The following PTGFRN variants were observed in gnomAD, a reference collection of about 807,000 sequenced individuals.
The protein encoded by PTGFRN is prostaglandin F2 receptor inhibitor.
Under a neutral mutation model 83.2 loss-of-function variants are expected in PTGFRN, and 35 were observed. The ratio of observed to expected loss-of-function variants is 0.42; its 90% CI spans 0.32 to 0.56. The LOEUF is 0.56. PTGFRN is among the 20% of genes least tolerant of loss of function. The pLI is 0.11. For missense variants in PTGFRN, 1,051 were observed against 1,179.5 expected, an observed-to-expected ratio of 0.89 and a Z score of 1.60; for synonymous variants, 519 against 498.6, an observed-to-expected ratio of 1.04 and a Z score of -0.55.
chr1:116,949,482 G>T lies in PTGFRN; in HGVS notation c.1123G>T (p.Val375Leu), dbSNP rs916469855. 1 of 1,614,086 alleles carries T rather than the reference G, an allele frequency of 6.2e-7. No homozygotes were observed. Among genetic ancestry groups the T allele is most frequent in the African/African-American group, 1.3e-5 (1 of 74,920 alleles). ...KENSGYYYCH[V>L]SLWAPGHNRS... is the part of the protein sequence containing the mutation. ...AAACTCTGGCTACTATTACTGCCAC[G>T]TGTCCCTGTGGGCACCCGGACACAA... The change falls in exon 4 of 9, where the codon GTG (valine) becomes TTG (leucine). Residue 375 changes from valine to leucine, a missense_variant. Physicochemically the swap from Val to Leu is conservative, Grantham distance 32 (BLOSUM62 1). Transcript: ENST00000393203.
Position 116,974,226 on chromosome 1 carries a change from T to C in PTGFRN, c.2070T>C (p.Phe690=). 3 of 1,605,906 alleles carry C rather than the reference T, an allele frequency of 1.9e-6. No individual in the cohort carries two copies. The highest frequency in any genetic ancestry group is 2.6e-6 in the Non-Finnish European group (3 of 1,173,014). The change falls in exon 7 of 9, where the codon TTT becomes TTC. Residue 690 remains phenylalanine, a synonymous_variant. Coordinates refer to ENST00000393203, the MANE Select transcript of PTGFRN (RefSeq NM_020440.4). The stretch of plus-strand genomic sequence containing the variant: ...TTACTTTTTTTCCAGGTCCTATATT[T>C]AATGCTTCTGTGCATTCAGACACAC... ...EIDFQTSGPI[F]NASVHSDTPS...
chr1:116,976,313 A>T (rs1651154205), intron 7 of PTGFRN, among the ~76,000 whole-genome samples: 1 of 152,222 alleles, frequency 6.6e-6, no homozygotes. Flanking sequence ...GATATTGTCC[A>T]GTAGAACTTC....
Position 116,945,236 on chromosome 1 carries a change from G to A in PTGFRN, c.832+144G>A. 16 of 1,091,662 alleles carry A rather than the reference G, an allele frequency of 1.5e-5. No individual in the cohort carries two copies. The South Asian group carries it at 2.4e-4, about 16-fold the overall frequency. 67.6% of individuals were successfully genotyped at this position (1,091,662 alleles called of 1,614,324 possible). A position where few individuals can be genotyped will look rare whatever the true frequency, so the allele number is the denominator to read the frequency against. On this transcript the variant is annotated intron_variant, in intron 3 of 8. Coordinates refer to ENST00000393203, the MANE Select transcript of PTGFRN (RefSeq NM_020440.4). ...GAGGCCTTATTTTTAGGGGTGAAGG[G>A]AGTAGGGTGTTGAGAGGTTGGAGGT...
intron 1 of PTGFRN, among the ~76,000 whole-genome samples, chr1:116,935,179 C>T (rs1468520199): frequency 6.6e-6 from 1 of 152,216 alleles, no homozygotes; most frequent in East Asian, 1.9e-4. Context: ...GCTCACTTCT[C>T]TGCTGTTGCC....
intron 8 of PTGFRN, 67 bp downstream of exon 8, chr1:116,985,052 C>T: frequency 6.6e-7 from 1 of 1,524,724 alleles, no homozygotes; most frequent in Non-Finnish European, 9.0e-7. Context: ...CTGTAGCTGA[C>T]AGAACCCAGG....
chr1:116,932,504 G>C (rs1016713881), intron 1 of PTGFRN, among the ~76,000 whole-genome samples: 8 of 152,150 alleles, frequency 5.3e-5, no homozygotes, highest in African/African-American at 1.9e-4. Flanking sequence ...TTGGAATAAA[G>C]TTCTCTGCAC....
rs767880261 is a variant in PTGFRN at position 116,944,687 on chromosome 1, G to T, written c.427G>T (p.Asp143Tyr). 1.4e-6 allele frequency: 2 copies of T among 1,425,178 alleles called. No homozygotes were observed. The highest frequency in any genetic ancestry group is 1.8e-6 in the Non-Finnish European group (2 of 1,092,534). The allele number at this position is 1,425,178 out of a possible 1,614,324, so 88.3% of individuals were successfully genotyped here. The change falls in exon 3 of 9, where the codon GAC becomes TAC. Residue 143 changes from aspartate to tyrosine, a missense_variant. Around this residue, in one of 3 missense-constraint regions of PTGFRN, gnomAD observed 205 missense variants for 174.5 expected, o/e 1.17. Transcript: ENST00000393203. ...EDTVQVKVLA[D>Y]SLHVGPSARP... ...GCTTTCTCTCTCCGCAGTGCTGGCC[G>T]ACTCCCTGCACGTGGGCCCCAGCGC...
chr1:116,954,180 G>A (rs1402691402), intron 4 of PTGFRN, among the ~76,000 whole-genome samples: 1 of 152,076 alleles, frequency 6.6e-6, no homozygotes, highest in Non-Finnish European at 1.5e-5. Flanking sequence ...TTCTTTGGGT[G>A]CAGGGCATAG....
At position 116,910,214 on chromosome 1, in the gene PTGFRN, T is replaced by C; in HGVS notation, c.11T>C (p.Leu4Pro). The C allele has an allele frequency of 2.7e-6, 4 of 1,466,868 alleles. No individual in the cohort carries two copies. The South Asian group carries it at 5.4e-5, about 20-fold the overall frequency. 90.9% of individuals were successfully genotyped at this position (1,466,868 alleles called of 1,614,324 possible). Reference protein sequence around the residue: MGRLASRPLLLALL... With the variant: MGRPASRPLLLALL... ...TCCCGCCGGGCGAGCATGGGGCGCC[T>C]GGCCTCGAGGCCGCTGCTGCTGGCG... Residue 4 changes from leucine to proline, a missense_variant, in exon 1 of 9, where the codon CTG becomes CCG. Coordinates refer to ENST00000393203, the MANE Select transcript of PTGFRN (RefSeq NM_020440.4).
chr1:116,967,344 C>T lies in PTGFRN; in HGVS notation c.2059+14C>T, dbSNP rs200751545. ...TCCAAACCTCAGGTGAGCAGTGAGC[C>T]CTGTTGAATCATAGGTGGAGCTAGA... On this transcript the variant is annotated intron_variant, in intron 6 of 8. Transcript: ENST00000393203. 40 of 1,599,128 alleles carry T rather than the reference C, an allele frequency of 2.5e-5. No individual in the cohort carries two copies. The highest frequency in any genetic ancestry group is 3.3e-4 in the Middle Eastern group (2 of 5,988).
chr1:116,970,549 G>C (rs1650967304), intron 6 of PTGFRN, among the ~76,000 whole-genome samples: 1 of 152,166 alleles, frequency 6.6e-6, no homozygotes, highest in African/African-American at 2.4e-5. Context: ...TCTGGGTGAG[G>C]AATGGATGTT....
chr1:116,944,745 G>A lies in PTGFRN; in HGVS notation c.485G>A (p.Gly162Glu), dbSNP rs1161530457. ...RPPPSLSLRE[G>E]EPFELRCTAA... is the part of the protein sequence containing the mutation. ...CCGCCGAGCCTGAGCCTGCGGGAGG[G>A]GGAGCCCTTCGAGCTGCGCTGCACC... is the stretch of plus-strand genomic sequence containing the variant. Residue 162 changes from glycine to glutamate, a missense_variant, in exon 3 of 9, where the codon GGG becomes GAG. Around this residue, in one of 3 missense-constraint regions of PTGFRN, gnomAD observed 205 missense variants for 174.5 expected, o/e 1.17. Transcript: ENST00000393203. 3 of 1,490,470 alleles carry A rather than the reference G, an allele frequency of 2.0e-6. No individual in the cohort carries two copies. The highest frequency in any genetic ancestry group is 1.3e-5 in the South Asian group (1 of 74,136). 92.3% of individuals were successfully genotyped at this position (1,490,470 alleles called of 1,614,324 possible).
rs1053341528 is a variant in PTGFRN at position 116,967,294 on chromosome 1, C to G, written c.2023C>G (p.Leu675Val). 3 of 1,613,764 alleles carry G rather than the reference C, an allele frequency of 1.9e-6. No individual in the cohort carries two copies. The highest frequency in any genetic ancestry group is 1.7e-5 in the Admixed American group (1 of 60,026). Residue 675 changes from leucine to valine, a missense_variant, in exon 6 of 9, where the codon CTC becomes GTC. Physicochemically the swap from Leu to Val is conservative, Grantham distance 32. Transcript: ENST00000393203. ...GSLWREAATSLSNPIEIDFQT... is the reference protein window; with the variant it reads ...GSLWREAATSVSNPIEIDFQT... ...CCTTTGGCGAGAAGCAGCAACCAGT[C>G]TCTCCAATCCTATTGAGATAGACTT...
chr1:116,973,611 A>G (rs952511636), intron 6 of PTGFRN, among the ~76,000 whole-genome samples: 3 of 151,930 alleles, frequency 2.0e-5, no homozygotes, highest in African/African-American at 7.3e-5. Context: ...TCTCAAAAAA[A>G]AAAAAAAAAA....
rs184686072 is a variant in PTGFRN at position 116,945,484 on chromosome 1, C to T, written c.832+392C>T. 6.1e-4 allele frequency among the ~76,000 whole-genome samples: 93 copies of T among 152,244 alleles called. 2 individuals carry two copies. The Middle Eastern group carries it at 0.01, about 17-fold the overall frequency. On this transcript the variant is annotated intron_variant, in intron 3 of 8. Coordinates refer to ENST00000393203, the MANE Select transcript of PTGFRN (RefSeq NM_020440.4). ...GCCACACCCTGCCCCTAAACTTTAT[C>T]GGGTTTGATGTTTCCTGAGTCCTTT...
intron 7 of PTGFRN, among the ~76,000 whole-genome samples, chr1:116,980,656 G>C (rs1169615738): frequency 1.3e-5 from 2 of 152,198 alleles, no homozygotes; most frequent in Admixed American, 6.5e-5. Flanking sequence ...ATTGAACAAT[G>C]AGAACACTTG....
chr1:116,911,403 T>C (rs57132167), intron 1 of PTGFRN, among the ~76,000 whole-genome samples: 23,055 of 152,064 alleles, frequency 0.15, 3,440 homozygotes, highest in African/African-American at 0.39. Context: ...AGGCCTTCTA[T>C]AGCTACTCCC....
At chr1:116,953,859 T>C (rs977813688) in intron 4 of PTGFRN, among the ~76,000 whole-genome samples, 1 of 150,368 alleles carries the variant, frequency 6.7e-6, no homozygotes, top group African/African-American at 2.4e-5. Flanking sequence ...ATTTCTTTTT[T>C]TTTTTTTTTT....
chr1:116,938,441 C>T (rs569272457), intron 1 of PTGFRN, among the ~76,000 whole-genome samples: 1 of 152,316 alleles, frequency 6.6e-6, no homozygotes, highest in South Asian at 2.1e-4. Context: ...TGGATGGCGG[C>T]AGGCAAAGAG....
Sources: gnomAD v4.1 joint callset for allele counts (sites outside exome capture counted in the v4.1 genomes callset) on GRCh38, gnomAD v4.1.1 for gene constraint, gnomAD v4.1.1 regional missense constraint, MANE v1.5 for transcripts, NCBI Gene and HGNC (gene_info 2026-07-23, HGNC 2026-07-21) for gene names.